Variants in NEK10 observed in about 807,000 individuals in gnomAD.
NEK10 encodes serine/threonine-protein kinase Nek10.
In NEK10, 122 loss-of-function variants were observed where a neutral mutation model predicts 159.8. That is an observed-to-expected ratio of 0.76 (90% CI 0.66 to 0.89). The LOEUF (loss-of-function observed/expected upper bound fraction) is 0.89, where lower values mean the gene tolerates loss of function less well. Ranked by LOEUF, NEK10 falls within the 40% of genes least tolerant of loss-of-function variation. The probability of loss-of-function intolerance (pLI) is 0.00; values close to 1 mark genes in which losing one functional copy is unlikely to be tolerated. For synonymous variants in NEK10, 466 were observed against 457.1 expected (o/e 1.02, Z -0.25); for missense variants, 1,342 against 1,323.1 (o/e 1.01, Z -0.22).
At chr3:27,208,461 A>G (rs1373957052) in intron 23 of NEK10, among the ~76,000 whole-genome samples, 2 of 152,168 alleles carry the variant, frequency 1.3e-5, no homozygotes, top group Non-Finnish European at 2.9e-5. Context: ...GCCTTATGGC[A>G]TTCTCCACTA....
Position 27,272,848 on chromosome 3 carries a change from A to G in NEK10, c.2014+11754T>C, listed in dbSNP as rs147020721. Among the ~76,000 whole-genome samples, 289 of 152,324 alleles carry G rather than the reference A, an allele frequency of 1.9e-3. 1 individual carries two copies. The highest frequency in any genetic ancestry group is 6.6e-3 in the African/African-American group (273 of 41,570). On this transcript the variant is annotated intron_variant, in intron 22 of 35. Coordinates refer to ENST00000691995, the MANE Select transcript of NEK10 (RefSeq NM_001394966.1). ...GTAAACTTACAGTTGTGATAAGATC[A>G]TTAAAGAAGACTGACCTTCAACAAA... is the stretch of plus-strand genomic sequence containing the variant.
chr3:27,188,762 C>T (rs897506593), intron 26 of NEK10, among the ~76,000 whole-genome samples: 3 of 152,180 alleles, frequency 2.0e-5, no homozygotes, highest in African/African-American at 7.2e-5. Flanking sequence ...TATAAAATCC[C>T]AATAATTCTA....
intron 22 of NEK10, among the ~76,000 whole-genome samples, chr3:27,275,482 G>A (rs567804488): frequency 1.3e-5 from 2 of 152,156 alleles, no homozygotes; most frequent in African/African-American, 4.8e-5. Flanking sequence ...TGCTATGAGG[G>A]TATTTAACAC....
chr3:27,308,817 T>A, intron 10 of NEK10, 109 bp downstream of exon 10: 1 of 471,276 alleles, frequency 2.1e-6, no homozygotes, highest in Middle Eastern at 3.1e-4. Context: ...CACTTATTTA[T>A]CAAGAAATTG....
chr3:27,352,628 A>G (rs1247762553), intron 2 of NEK10, 103 bp from the exon 3 acceptor site: 3 of 896,484 alleles, frequency 3.3e-6, no homozygotes, highest in South Asian at 1.4e-5. Context: ...GCTTTTATCA[A>G]CTGGAATGAA....
At position 27,309,587 on chromosome 3, in the gene NEK10, C is replaced by T. The variant is rs972056890; in HGVS notation, c.637-582G>A. 7 of 152,174 alleles carry T rather than the reference C, an allele frequency of 4.6e-5. No individual in the cohort carries two copies. The East Asian group carries it at 1.2e-3, about 25-fold the overall frequency. The allele number at this position is 152,174 out of a possible 1,614,324, so 9.4% of individuals were successfully genotyped here. A position where few individuals can be genotyped will look rare whatever the true frequency, so the allele number is the denominator to read the frequency against. The stretch of plus-strand genomic sequence containing the variant: ...CTACATGACCAGCCTGGTTCTCATA[C>T]ATCCTTCTATTTCCATGTGCCCAAG... On this transcript the variant is annotated intron_variant, in intron 9 of 35. Transcript: ENST00000691995.
intron 31 of NEK10, among the ~76,000 whole-genome samples, chr3:27,139,031 T>C (rs1042098585): frequency 6.6e-6 from 1 of 152,232 alleles, no homozygotes. Context: ...GATCCCAAGA[T>C]AGCCCTAAAA....
Position 27,142,506 on chromosome 3 carries a change from T to G in NEK10, c.2870-924A>C, listed in dbSNP as rs182818226. Among the ~76,000 whole-genome samples, 57 of 151,508 alleles carry G rather than the reference T, an allele frequency of 3.8e-4. No individual in the cohort carries two copies. In the East Asian group the frequency reaches 0.011, roughly 29 times the overall value. ...ATAAAACTTCTCTTGCTAATTTCCT[T>G]TTAAAAAAAAAAAAAAGATGAAAGT... is the stretch of plus-strand genomic sequence containing the variant. On this transcript the variant is annotated intron_variant, in intron 30 of 35. Coordinates refer to ENST00000691995, the MANE Select transcript of NEK10 (RefSeq NM_001394966.1).
chr3:27,138,772 T>C (rs935782286), intron 31 of NEK10, among the ~76,000 whole-genome samples: 13 of 152,198 alleles, frequency 8.5e-5, no homozygotes, highest in African/African-American at 3.1e-4. Context: ...CAATAGGACA[T>C]GGGATGCTAG....
intron 26 of NEK10, among the ~76,000 whole-genome samples, chr3:27,182,044 T>G (rs1948164574): frequency 6.6e-6 from 1 of 152,150 alleles, no homozygotes; most frequent in Non-Finnish European, 1.5e-5. Context: ...TTACAGGGCT[T>G]GTTTTGAGAC....
intron 29 of NEK10, among the ~76,000 whole-genome samples, chr3:27,166,739 C>T (rs556553631): frequency 1.3e-5 from 2 of 152,004 alleles, no homozygotes; most frequent in Non-Finnish European, 2.9e-5. Flanking sequence ...GGGGGTGGAT[C>T]ACCTGAAGTC....
chr3:27,329,478 A>G (rs939296573), intron 5 of NEK10, among the ~76,000 whole-genome samples: 1 of 152,140 alleles, frequency 6.6e-6, no homozygotes, highest in Admixed American at 6.5e-5. Context: ...ACTGTCAGTT[A>G]CTTCCTGGCT....
intron 35 of NEK10, 74 bp downstream of exon 35, chr3:27,115,866 G>A: frequency 9.2e-7 from 1 of 1,087,332 alleles, no homozygotes; most frequent in East Asian, 2.4e-5. Flanking sequence ...TGGAATAAAG[G>A]ATAAAGAAAT....
intron 23 of NEK10, among the ~76,000 whole-genome samples, chr3:27,253,566 G>C (rs1200885038): frequency 6.6e-6 from 1 of 152,098 alleles, no homozygotes; most frequent in Non-Finnish European, 1.5e-5. Flanking sequence ...CCTTTATCTA[G>C]CAGCTGAATA....
intron 29 of NEK10, among the ~76,000 whole-genome samples, chr3:27,166,409 T>G (rs1946481136): frequency 6.6e-6 from 1 of 151,504 alleles, no homozygotes; most frequent in African/African-American, 2.4e-5. Context: ...TTGTTTGTTT[T>G]AAGGCTGTTG....
rs1337581866 is a variant in NEK10, at chr3:27,109,513, T to A, written c.*1759A>T. On this transcript the variant is annotated 3_prime_UTR_variant, in exon 36 of 36. Coordinates refer to ENST00000691995, the MANE Select transcript of NEK10 (RefSeq NM_001394966.1). ...CCCTTACCACGGTACACCTTTTGAA[T>A]ACTATTCTTTCCTAAATTCTGTTTA... Among the ~76,000 whole-genome samples the A allele has an allele frequency of 6.6e-6, 1 of 151,996 alleles. No homozygotes were observed. The highest frequency in any genetic ancestry group is 2.4e-5 in the African/African-American group (1 of 41,414).
At chr3:27,169,563 C>T (rs890432014) in intron 29 of NEK10, among the ~76,000 whole-genome samples, 11 of 152,174 alleles carry the variant, frequency 7.2e-5, no homozygotes, top group African/African-American at 2.7e-4. Flanking sequence ...AAGGCTCCAC[C>T]CTAACTCCTC....
At position 27,352,573 on chromosome 3, in the gene NEK10, A is replaced by G. The variant is rs1023175813; in HGVS notation, c.72-48T>C. On this transcript the variant is annotated intron_variant, in intron 2 of 35. Transcript: ENST00000691995. The stretch of plus-strand genomic sequence containing the variant: ...GTGAACCCACAGAAGGCTCCAGGTG[A>G]ACAAGATCGTGTTACCCACTGATGG... The G allele has an allele frequency of 3.6e-6, 5 of 1,392,748 alleles. No individual in the cohort carries two copies. In the African/African-American group the frequency reaches 5.7e-5, roughly 16 times the overall value. 86.3% of individuals were successfully genotyped at this position (1,392,748 alleles called of 1,614,324 possible).
intron 23 of NEK10, among the ~76,000 whole-genome samples, chr3:27,223,922 T>C (rs1289996904): frequency 6.6e-6 from 1 of 152,238 alleles, no homozygotes; most frequent in African/African-American, 2.4e-5. Flanking sequence ...TCTTCTCTAA[T>C]CATCAGGAAG....
Sources: gnomAD v4.1 joint callset for allele counts (sites outside exome capture counted in the v4.1 genomes callset) on GRCh38, gnomAD v4.1.1 for gene constraint, MANE v1.5 for transcripts, NCBI Gene and HGNC (gene_info 2026-07-23, HGNC 2026-07-21) for gene names.